PLCB4: variants seen among roughly 807,000 people sequenced by gnomAD.
The protein encoded by PLCB4 is phospholipase C beta 4.
Under a neutral mutation model 178.8 loss-of-function variants are expected in PLCB4, and 77 were observed. That is an observed-to-expected ratio of 0.43 (90% CI 0.36 to 0.52). The LOEUF (loss-of-function observed/expected upper bound fraction) is 0.52. Among genes scored for constraint, PLCB4 ranks in the 20% least tolerant of loss-of-function variants. The pLI, the probability that PLCB4 is intolerant of heterozygous loss-of-function variation, is 0.00. For missense variants in PLCB4, 1,024 were observed against 1,453.4 expected (o/e 0.70, Z 4.80); for synonymous variants, 496 against 490.8 (o/e 1.01, Z -0.14).
chr20:9,365,964 G>T (rs1221294065), intron 9 of PLCB4, among the ~76,000 whole-genome samples: 1 of 152,102 alleles, frequency 6.6e-6, no homozygotes, highest in Non-Finnish European at 1.5e-5. Flanking sequence ...CTCCTCTGGT[G>T]CTCAGGGCAG....
At chr20:9,455,527 T>C (rs1477863085) in intron 33 of PLCB4, among the ~76,000 whole-genome samples, 1 of 152,184 alleles carries the variant, frequency 6.6e-6, no homozygotes, top group Admixed American at 6.5e-5. Flanking sequence ...TGGTAATTAT[T>C]AGAAGTGTCC....
intron 3 of PLCB4, among the ~76,000 whole-genome samples, chr20:9,231,871 G>C (rs188480749): frequency 3.1e-4 from 47 of 152,236 alleles, no homozygotes; most frequent in African/African-American, 1.1e-3. Context: ...AGCAGCTTTA[G>C]TCATAATAGC....
chr20:9,423,667 GGATTTGGTCCACACTCCT>G, intron 27 of PLCB4, 63 bp from the exon 28 acceptor site: 1 of 1,028,352 alleles, frequency 9.7e-7, no homozygotes, highest in Non-Finnish European at 1.5e-6. Context: ...AGAACAGCAT[GGATTTGGTCCACACTCCT>G]TAGAGTCATG....
intron 2 of PLCB4, among the ~76,000 whole-genome samples, chr20:9,181,155 A>G (rs1234671354): frequency 6.6e-6 from 1 of 152,198 alleles, no homozygotes; most frequent in Non-Finnish European, 1.5e-5. Flanking sequence ...CTTTGGCCTC[A>G]TGCACTTTGT....
intron 2 of PLCB4, among the ~76,000 whole-genome samples, chr20:9,114,682 C>T (rs939986655): frequency 6.6e-6 from 1 of 152,160 alleles, no homozygotes; most frequent in Non-Finnish European, 1.5e-5. Flanking sequence ...GGAGAAGCTG[C>T]TTAGAGCAGT....
rs533025029 is a variant in PLCB4, at chr20:9,167,744, C to T, written c.-78-49646C>T. Among the ~76,000 whole-genome samples, 18 of 152,130 alleles carry T rather than the reference C, an allele frequency of 1.2e-4. No individual in the cohort carries two copies. The East Asian group carries it at 1.7e-3, about 15-fold the overall frequency. On this transcript the variant is annotated intron_variant, in intron 2 of 39. Transcript: ENST00000378473. ...GAAGTATGAAACTTGTACTTAGTACCGAATAATTGGCTTTGAATAGCTTTA... is the reference window on the plus strand; with the variant it reads ...GAAGTATGAAACTTGTACTTAGTACTGAATAATTGGCTTTGAATAGCTTTA...
In PLCB4 at chr20:9,399,446, A is replaced by G. The variant is rs191728201; in HGVS notation, c.1511-2044A>G. On this transcript the variant is annotated intron_variant, in intron 19 of 39. Coordinates refer to ENST00000378473, the MANE Select transcript of PLCB4 (RefSeq NM_001377142.1). Reference sequence around the variant, plus strand: ...TATGTGTGGCTAGAGTCTCTAATTTAAATACATCAACACAGCAGGCAAGGG... The same window carrying G: ...TATGTGTGGCTAGAGTCTCTAATTTGAATACATCAACACAGCAGGCAAGGG... Among the ~76,000 whole-genome samples the G allele has an allele frequency of 2.4e-3, 364 of 152,368 alleles. 3 individuals are homozygous for G. The highest frequency in any genetic ancestry group is 0.01 in the Middle Eastern group (3 of 294).
intron 3 of PLCB4, among the ~76,000 whole-genome samples, chr20:9,241,173 G>A (rs1299470023): frequency 6.6e-6 from 1 of 152,124 alleles, no homozygotes; most frequent in Non-Finnish European, 1.5e-5. Flanking sequence ...ATGCTTACTT[G>A]AATGAAGGCT....
At chr20:9,131,579 T>C (rs1203560497) in intron 2 of PLCB4, among the ~76,000 whole-genome samples, 1 of 152,180 alleles carries the variant, frequency 6.6e-6, no homozygotes, top group East Asian at 1.9e-4. Context: ...TAATTTGATA[T>C]AGATTGATTC....
At position 9,423,716 on chromosome 20, in the gene PLCB4, A is replaced by G. The variant is rs2148581340; in HGVS notation, c.2320-32A>G. ...TCATGGTTCTTGGGCGCTGCATTGGAAAAATCAGTGAAAGTCCTGTTCTGT... is the reference window on the plus strand; with the variant it reads ...TCATGGTTCTTGGGCGCTGCATTGGGAAAATCAGTGAAAGTCCTGTTCTGT... On this transcript the variant is annotated intron_variant, in intron 27 of 39. Coordinates refer to ENST00000378473, the MANE Select transcript of PLCB4 (RefSeq NM_001377142.1). 3 of 1,579,424 alleles carry G rather than the reference A, an allele frequency of 1.9e-6. No individual in the cohort carries two copies. In the East Asian group the frequency reaches 6.7e-5, roughly 35 times the overall value.
At position 9,387,711 on chromosome 20, in the gene PLCB4, C is replaced by G. The variant is rs6056590; in HGVS notation, c.1158+155C>G. On this transcript the variant is annotated intron_variant, in intron 15 of 39. Coordinates refer to ENST00000378473, the MANE Select transcript of PLCB4 (RefSeq NM_001377142.1). The stretch of plus-strand genomic sequence containing the variant: ...TTGAGGAAAAAGTCAAGACAAAGAT[C>G]TTTTCCACTGAACGTCCCCTTCATG... Among the ~76,000 whole-genome samples, 1,248 of 152,320 alleles carry G rather than the reference C, an allele frequency of 8.2e-3. 23 individuals carry two copies. The highest frequency in any genetic ancestry group is 0.028 in the African/African-American group (1,183 of 41,558).
intron 7 of PLCB4, among the ~76,000 whole-genome samples, 162 bp downstream of exon 7, chr20:9,339,199 C>A (rs2032886459): frequency 6.6e-6 from 1 of 152,076 alleles, no homozygotes; most frequent in South Asian, 2.1e-4. Flanking sequence ...AATTAAAATA[C>A]CCTTTTAGCA....
intron 9 of PLCB4, among the ~76,000 whole-genome samples, chr20:9,368,785 C>T (rs1006931257): frequency 1.3e-5 from 2 of 152,094 alleles, no homozygotes; most frequent in East Asian, 1.9e-4. Flanking sequence ...CGAAGTCCCC[C>T]GGAATAGAAT....
chr20:9,198,346 T>G lies in PLCB4; in HGVS notation c.-78-19044T>G, dbSNP rs558759808. Among the ~76,000 whole-genome samples the G allele has an allele frequency of 7.2e-5, 11 of 152,314 alleles. 1 individual carries two copies. The South Asian group carries it at 2.3e-3, about 32-fold the overall frequency. ...CACATAGTGTACTTTTGGTCAACAT[T>G]TATCTTGCTGTAAAAATAGAAGAAA... On this transcript the variant is annotated intron_variant, in intron 2 of 39. Transcript: ENST00000378473.
At chr20:9,304,268 A>G (rs768417307) in intron 3 of PLCB4, among the ~76,000 whole-genome samples, 9 of 151,938 alleles carry the variant, frequency 5.9e-5, no homozygotes, top group Non-Finnish European at 1.3e-4. Context: ...ATTTCCATGT[A>G]TATAGATGTT....
At chr20:9,410,010 A>G (rs927938115) in intron 24 of PLCB4, among the ~76,000 whole-genome samples, 2 of 152,254 alleles carry the variant, frequency 1.3e-5, no homozygotes, top group Non-Finnish European at 2.9e-5. Flanking sequence ...TTTGCTATTA[A>G]GAGAACTGCC....
chr20:9,332,772 G>A (rs60629738), intron 4 of PLCB4, among the ~76,000 whole-genome samples: 7,320 of 152,194 alleles, frequency 0.048, 480 homozygotes, highest in East Asian at 0.28. Flanking sequence ...CTTATGACAG[G>A]CATTTCAGAG....
intron 3 of PLCB4, among the ~76,000 whole-genome samples, chr20:9,273,128 A>G (rs1197787152): frequency 6.6e-6 from 1 of 152,140 alleles, no homozygotes; most frequent in Non-Finnish European, 1.5e-5. Flanking sequence ...GTCAAGTAGC[A>G]TGCAGGAAGG....
At chr20:9,329,784 G>T (rs1406173134) in intron 4 of PLCB4, among the ~76,000 whole-genome samples, 1 of 152,192 alleles carries the variant, frequency 6.6e-6, no homozygotes, top group Non-Finnish European at 1.5e-5. Context: ...GGCTCCTCAT[G>T]TGGAATGTGA....
Sources: allele counts gnomAD v4.1 joint callset (sites outside exome capture counted in the v4.1 genomes callset), GRCh38; gene constraint gnomAD v4.1.1; transcripts MANE v1.5; gene names NCBI Gene and HGNC (gene_info 2026-07-23, HGNC 2026-07-21).